Variants in ANKHD1 observed in about 807,000 individuals in gnomAD.
The protein encoded by ANKHD1 is ankyrin repeat and KH domain containing 1.
ANKHD1 carries 31 observed loss-of-function variants against 230.5 expected under a neutral mutation model. That is an observed-to-expected ratio of 0.13 (90% CI 0.10 to 0.18). ANKHD1 has a LOEUF of 0.18. ANKHD1 is among the 10% of genes least tolerant of loss of function. The probability of loss-of-function intolerance (pLI) is 1.00; values close to 1 mark genes in which losing one functional copy is unlikely to be tolerated. For missense variants in ANKHD1, 2,256 were observed against 3,071.3 expected, an observed-to-expected ratio of 0.73 and a Z score of 6.27; for synonymous variants, 1,074 against 1,117.6, an observed-to-expected ratio of 0.96 and a Z score of 0.78.
At chr5:140,438,757 A>G (rs1394826221) in intron 3 of ANKHD1, 140 bp downstream of exon 3, 1 of 1,161,770 alleles carries the variant, frequency 8.6e-7, no homozygotes, top group African/African-American at 1.6e-5. Context: ...TGGATATATA[A>G]ATGTATATGT....
At position 140,485,330 on chromosome 5, in the gene ANKHD1, G is replaced by A; in HGVS notation, c.1998+82G>A. On this transcript the variant is annotated intron_variant, in intron 12 of 33. Transcript: ENST00000360839. The surrounding 1 kb of genome is among the most constrained non-coding windows in gnomAD (Gnocchi z 4.8). ...CCAGCACTTTAGAAAGCTGAGGCGG[G>A]TGGATCACTTGAGCCCAGGAGTTTG... is the stretch of plus-strand genomic sequence containing the variant. 1 of 1,497,934 alleles carries A rather than the reference G, an allele frequency of 6.7e-7. No individual in the cohort carries two copies. Among genetic ancestry groups the A allele is most frequent in the Non-Finnish European group, 8.9e-7 (1 of 1,120,438 alleles). The allele number at this position is 1,497,934 out of a possible 1,614,324, so 92.8% of individuals were successfully genotyped here.
intron 10 of ANKHD1, among the ~76,000 whole-genome samples, chr5:140,465,830 G>C (rs777713553): frequency 6.6e-6 from 1 of 152,044 alleles, no homozygotes; most frequent in Non-Finnish European, 1.5e-5. Flanking sequence ...TTTTGTCTGA[G>C]AATTGTGACA....
chr5:140,539,128 C>T (rs759251033), intron 33 of ANKHD1, 45 bp downstream of exon 33: 11 of 1,559,334 alleles, frequency 7.1e-6, no homozygotes, highest in Non-Finnish European at 9.5e-6. Context: ...TTTGTCACAT[C>T]ATTCTTTTTG....
In ANKHD1 at chr5:140,529,209, A is replaced by G. The variant is rs375425566; in HGVS notation, c.6263A>G (p.Asp2088Gly). ...GAGGCACAGCCATCCAGTGTGTCTG[A>G]TTTAAGTCCTATGTCAATGCCTTTT... ...QEEAQPSSVS[D>G]LSPMSMPFAS... The change falls in exon 29 of 34, where the codon GAT (aspartate) becomes GGT (glycine). Residue 2088 changes from aspartate (D) to glycine (G), a missense_variant. Physicochemically the swap from Asp to Gly is moderately conservative, Grantham distance 94. Transcript: ENST00000360839. The G allele has an allele frequency of 2.5e-6, 4 of 1,614,106 alleles. No individual in the cohort carries two copies. The highest frequency in any genetic ancestry group is 3.4e-6 in the Non-Finnish European group (4 of 1,180,044).
chr5:140,535,719 T>C, intron 30 of ANKHD1, 181 bp downstream of exon 30: 2 of 941,894 alleles, frequency 2.1e-6, no homozygotes, highest in Non-Finnish European at 2.8e-6. Context: ...TTGAGAATTA[T>C]TCTTTCAAGC....
intron 10 of ANKHD1, among the ~76,000 whole-genome samples, chr5:140,474,267 G>A (rs905957598): frequency 2.0e-5 from 3 of 152,050 alleles, no homozygotes; most frequent in African/African-American, 7.2e-5. Flanking sequence ...ATACAGTGGT[G>A]GGTTGAAGGA....
At chr5:140,503,384 T>G (rs985707367) in intron 15 of ANKHD1, among the ~76,000 whole-genome samples, 3 of 151,960 alleles carry the variant, frequency 2.0e-5, no homozygotes, top group Non-Finnish European at 4.4e-5. Context: ...GCACCCACCA[T>G]TTGCTAAAAA....
intron 10 of ANKHD1, among the ~76,000 whole-genome samples, chr5:140,478,442 T>A (rs2127007549): frequency 6.6e-6 from 1 of 151,400 alleles, no homozygotes; most frequent in African/African-American, 2.4e-5. Context: ...TAAGTAGAGA[T>A]CTTAAAATTC....
Position 140,524,209 on chromosome 5 carries a change from GGATGAA to G in ANKHD1, c.4470_4475del (p.Asp1490_Glu1491del). On this transcript the variant is annotated inframe_deletion, in exon 25 of 34. Transcript: ENST00000360839. ...CTAAGGAGAATTCGGAACTACCAGA[GGATGAA>G]GATGAAGAGGAGAATGATGAAGATG... The G allele has an allele frequency of 6.3e-7, 1 of 1,587,590 alleles. No homozygotes were observed. Among genetic ancestry groups the G allele is most frequent in the Non-Finnish European group, 8.5e-7 (1 of 1,173,478 alleles).
intron 14 of ANKHD1, among the ~76,000 whole-genome samples, chr5:140,491,058 T>C (rs1276678096): frequency 6.9e-6 from 1 of 145,694 alleles, no homozygotes; most frequent in Non-Finnish European, 1.5e-5. Flanking sequence ...ATAAAATATT[T>C]ATTTTTTATA....
At chr5:140,418,122 G>A (rs1160180944) in intron 1 of ANKHD1, among the ~76,000 whole-genome samples, 6 of 150,690 alleles carry the variant, frequency 4.0e-5, no homozygotes, top group East Asian at 1.9e-4. Context: ...GATTACAGGC[G>A]TGAGCCACCG....
intron 1 of ANKHD1, among the ~76,000 whole-genome samples, chr5:140,432,009 C>G (rs1342753077): frequency 1.3e-5 from 2 of 152,112 alleles, no homozygotes; most frequent in Non-Finnish European, 2.9e-5. Context: ...TTTATATGGT[C>G]TACTCAAATC....
Position 140,528,430 on chromosome 5 carries a change from T to A in ANKHD1, c.5484T>A (p.Ala1828=), listed in dbSNP as rs145251216. The A allele has an allele frequency of 2.5e-4, 407 of 1,614,196 alleles. No homozygotes were observed. Among genetic ancestry groups the A allele is most frequent in the Non-Finnish European group, 3.3e-4 (394 of 1,180,042 alleles). ...QATTLSTFQP[A]NKLNKNVPTN... ...CAACGTTATCTACGTTCCAGCCCGC[T>A]AATAAACTTAATAAGAATGTTCCAA... The change falls in exon 29 of 34, where the codon GCT becomes GCA. Residue 1828 remains alanine, a synonymous_variant. Coordinates refer to ENST00000360839, the MANE Select transcript of ANKHD1 (RefSeq NM_017747.3).
At chr5:140,412,326 G>A (rs1042903675) in intron 1 of ANKHD1, among the ~76,000 whole-genome samples, 3 of 152,032 alleles carry the variant, frequency 2.0e-5, no homozygotes, top group Non-Finnish European at 2.9e-5. Context: ...CACCGTGCCC[G>A]GCTATTTTTT....
At chr5:140,480,296 G>C (rs1751214856) in intron 10 of ANKHD1, among the ~76,000 whole-genome samples, 1 of 152,012 alleles carries the variant, frequency 6.6e-6, no homozygotes, top group South Asian at 2.1e-4. Flanking sequence ...GTTGAATTTT[G>C]AAATGACTTG....
In ANKHD1 at chr5:140,507,655, C is replaced by G; in HGVS notation, c.3552-130C>G. 8.8e-7 allele frequency: 1 copy of G among 1,138,630 alleles called. No homozygotes were observed. Among genetic ancestry groups the G allele is most frequent in the Non-Finnish European group, 1.2e-6 (1 of 820,438 alleles). 70.5% of individuals were successfully genotyped at this position (1,138,630 alleles called of 1,614,324 possible). On this transcript the variant is annotated intron_variant, in intron 19 of 33. Coordinates refer to ENST00000360839, the MANE Select transcript of ANKHD1 (RefSeq NM_017747.3). This position sits in a 1 kb window ranked among gnomAD's most constrained non-coding sequence, Gnocchi z 4.1. ...CATTTTCTTATTCTTTATTATTGGTCGAAACAAGTAAAATCTATTCATTGA... is the reference window on the plus strand; with the variant it reads ...CATTTTCTTATTCTTTATTATTGGTGGAAACAAGTAAAATCTATTCATTGA...
chr5:140,496,836 C>T lies in ANKHD1; in HGVS notation c.2562C>T (p.Thr854=). 1 of 1,613,998 alleles carries T rather than the reference C, an allele frequency of 6.2e-7. No individual in the cohort carries two copies. Among genetic ancestry groups the T allele is most frequent in the Non-Finnish European group, 8.5e-7 (1 of 1,179,996 alleles). ...AGATGAAAACACAGCAGCAATTTAC[C>T]AAAGAATACTTGGAAACCAAAGGTC... ...QLQMKTQQQF[T]KEYLETKGQK... The change falls in exon 15 of 34, where the codon ACC becomes ACT. Residue 854 remains threonine, a synonymous_variant. Transcript: ENST00000360839.
At position 140,480,868 on chromosome 5, in the gene ANKHD1, C is replaced by A. The variant is rs115830375; in HGVS notation, c.1783-1712C>A. Among the ~76,000 whole-genome samples, 378 of 152,126 alleles carry A rather than the reference C, an allele frequency of 2.5e-3. 1 individual carries two copies. The highest frequency in any genetic ancestry group is 4.2e-3 in the Non-Finnish European group (287 of 67,918). ...AAGATCATTCCTCTCATGGAGCTTA[C>A]CGTTTAGTGGAGGAGACAGGTTAGT... On this transcript the variant is annotated intron_variant, in intron 10 of 33. Coordinates refer to ENST00000360839, the MANE Select transcript of ANKHD1 (RefSeq NM_017747.3).
chr5:140,411,144 A>AT (rs1311907967), intron 1 of ANKHD1, among the ~76,000 whole-genome samples: 1 of 152,182 alleles, frequency 6.6e-6, no homozygotes, highest in Admixed American at 6.5e-5. Context: ...TAATGAAGCT[A>AT]TTTTTTCCCA....
Sources: allele counts gnomAD v4.1 joint callset (sites outside exome capture counted in the v4.1 genomes callset), GRCh38; gene constraint gnomAD v4.1.1; non-coding constraint Gnocchi (gnomAD v3.1); transcripts MANE v1.5; gene names NCBI Gene and HGNC (gene_info 2026-07-23, HGNC 2026-07-21).